The following RBM17 variants were observed in gnomAD, a reference collection of about 807,000 sequenced individuals.
RBM17 encodes the protein RNA binding motif protein 17, also known as splicing factor 45.
A neutral mutation model predicts 53.2 loss-of-function variants in RBM17; 7 were observed. The observed-to-expected ratio is 0.13, with a 90% CI of 0.07 to 0.25. The LOEUF (loss-of-function observed/expected upper bound fraction) is 0.25. Ranked by LOEUF, RBM17 falls within the 10% of genes least tolerant of loss-of-function variation. The pLI, the probability that RBM17 is intolerant of heterozygous loss-of-function variation, is 1.00. For missense variants in RBM17, 257 were observed against 496.7 expected (o/e 0.52, Z 4.59); for synonymous variants, 167 against 178.1 (o/e 0.94, Z 0.50).
At chr10:6,109,670 A>G (rs562269786) in intron 6 of RBM17, among the ~76,000 whole-genome samples, 54 of 152,378 alleles carry the variant, frequency 3.5e-4, no homozygotes, top group African/African-American at 1.2e-3. Flanking sequence ...TCCTTAGAAC[A>G]TACAGAACAT....
chr10:6,104,020 A>G lies in RBM17; in HGVS notation c.241-911A>G, dbSNP rs967266681. Among the ~76,000 whole-genome samples the G allele has an allele frequency of 4.6e-5, 7 of 152,242 alleles. No homozygotes were observed. In the South Asian group the frequency reaches 6.2e-4, roughly 13 times the overall value. On this transcript the variant is annotated intron_variant, in intron 3 of 11. Coordinates refer to ENST00000379888, the MANE Select transcript of RBM17 (RefSeq NM_032905.5). ...CTGTGCTTGTTTGAGGTGTCTTTCA[A>G]AACCAGAGAAGGCATCTTATTGTTA...
At position 6,098,534 on chromosome 10, in the gene RBM17, T is replaced by G. The variant is rs73605981; in HGVS notation, c.123+1346T>G. Among the ~76,000 whole-genome samples the G allele has an allele frequency of 3.7e-3, 562 of 150,332 alleles. 5 individuals carry two copies. The highest frequency in any genetic ancestry group is 0.012 in the African/African-American group (510 of 40,846). ...TAATATTAATCTCTAATTTCATGTT[T>G]GAAAATTTCCGTAATACACAGGTTT... On this transcript the variant is annotated intron_variant, in intron 2 of 11. Coordinates refer to ENST00000379888, the MANE Select transcript of RBM17 (RefSeq NM_032905.5).
intron 2 of RBM17, among the ~76,000 whole-genome samples, chr10:6,100,342 C>G (rs546289080): frequency 1.3e-5 from 2 of 152,216 alleles, no homozygotes; most frequent in South Asian, 4.1e-4. Context: ...GACGGCCTGA[C>G]GCAGTGTGCC....
chr10:6,113,381 A>C, intron 8 of RBM17, 127 bp from the exon 9 acceptor site: 1 of 651,466 alleles, frequency 1.5e-6, no homozygotes, highest in Non-Finnish European at 2.7e-6. Context: ...GTAGATGCCT[A>C]GGACATAAAT....
Position 6,115,588 on chromosome 10 carries a change from T to C in RBM17, c.*32T>C. 1 of 1,349,928 alleles carries C rather than the reference T, an allele frequency of 7.4e-7. No individual in the cohort carries two copies. The highest frequency in any genetic ancestry group is 1.1e-6 in the Non-Finnish European group (1 of 941,024). 83.6% of individuals were successfully genotyped at this position (1,349,928 alleles called of 1,614,324 possible). ...GAACTAGAGCACGAGTCATCTCCGGTGATCCTTAAATGAACTGCAGGCTGA... is the reference window on the plus strand; with the variant it reads ...GAACTAGAGCACGAGTCATCTCCGGCGATCCTTAAATGAACTGCAGGCTGA... On this transcript the variant is annotated 3_prime_UTR_variant, in exon 12 of 12. Transcript: ENST00000379888.
In RBM17 at chr10:6,112,231, C is replaced by T. The variant is rs536478330; in HGVS notation, c.726C>T (p.Ile242=). The change falls in exon 8 of 12, where the codon ATC becomes ATT. Residue 242 remains isoleucine (I), a synonymous_variant. Transcript: ENST00000379888. The surrounding 1 kb of genome is among the most constrained non-coding windows in gnomAD (Gnocchi z 4.4). ...ANMGGTVAHK[I]MQKYGFREGQ... ...CCAGGGGCACGGTGGCGCACAAGATCATGCAGAAGTACGGCTTCCGGGAGG... is the reference window on the plus strand; with the variant it reads ...CCAGGGGCACGGTGGCGCACAAGATTATGCAGAAGTACGGCTTCCGGGAGG... 3 of 1,613,022 alleles carry T rather than the reference C, an allele frequency of 1.9e-6. No homozygotes were observed. The highest frequency in any genetic ancestry group is 2.7e-5 in the African/African-American group (2 of 74,984).
Position 6,110,035 on chromosome 10 carries a change from T to C in RBM17, c.612T>C (p.Ser204=). Residue 204 remains serine (S), a synonymous_variant, in exon 7 of 12, where the codon TCT becomes TCC. Coordinates refer to ENST00000379888, the MANE Select transcript of RBM17 (RefSeq NM_032905.5). The part of the protein sequence containing the change: ...YEEDSRPRSQ[S]SKAAIPPPVY... ...AGGACTCAAGACCTCGATCACAGTCTTCCAAAGCAGCCATTCCTCCCCCAG... is the reference window on the plus strand; with the variant it reads ...AGGACTCAAGACCTCGATCACAGTCCTCCAAAGCAGCCATTCCTCCCCCAG... The C allele has an allele frequency of 6.2e-7, 1 of 1,613,490 alleles. No individual in the cohort carries two copies. The highest frequency in any genetic ancestry group is 8.5e-7 in the Non-Finnish European group (1 of 1,179,578).
At chr10:6,096,858 T>C (rs1414662580) in intron 1 of RBM17, 190 bp from the exon 2 acceptor site, 4 of 375,412 alleles carry the variant, frequency 1.1e-5, no homozygotes, top group Middle Eastern at 7.4e-4. Context: ...TAGAGGCTTA[T>C]TTTAAAAATA....
At chr10:6,104,850 C>G in intron 3 of RBM17, 81 bp from the exon 4 acceptor site, 1 of 1,192,712 alleles carries the variant, frequency 8.4e-7, no homozygotes, top group Non-Finnish European at 1.2e-6. Context: ...CCTTTTATCT[C>G]CCATACGCTT....
chr10:6,090,030 A>AAGT (rs1273010551), intron 1 of RBM17: 1 of 152,328 alleles, frequency 6.6e-6, no homozygotes, highest in African/African-American at 2.4e-5. Context: ...GTAAGTGCGA[A>AAGT]AGTAGCAGAA....
chr10:6,097,128 A>G lies in RBM17; in HGVS notation c.63A>G (p.Lys21=), dbSNP rs1170199525. 3 of 1,613,998 alleles carry G rather than the reference A, an allele frequency of 1.9e-6. No homozygotes were observed. The highest frequency in any genetic ancestry group is 2.7e-5 in the African/African-American group (2 of 74,926). The change falls in exon 2 of 12, where the codon AAA becomes AAG. Residue 21 remains lysine (K), a synonymous_variant. Coordinates refer to ENST00000379888, the MANE Select transcript of RBM17 (RefSeq NM_032905.5). ...TSDSKTEGWS[K]NFKLLQSQLQ... The stretch of plus-strand genomic sequence containing the variant: ...ACTCAAAAACAGAAGGCTGGTCCAA[A>G]AACTTCAAACTTCTGCAGTCTCAGC...
At chr10:6,106,391 A>T in intron 5 of RBM17, 153 bp downstream of exon 5, 2 of 581,500 alleles carry the variant, frequency 3.4e-6, no homozygotes. Context: ...TTTGCGTCAC[A>T]GTTTTAATTT....
chr10:6,108,170 C>T (rs1035545685), intron 5 of RBM17, among the ~76,000 whole-genome samples: 5 of 152,170 alleles, frequency 3.3e-5, no homozygotes, highest in Admixed American at 6.5e-5. Flanking sequence ...GGAAAAGGAG[C>T]GTGCTGTGTG....
chr10:6,109,344 T>C (rs1840803277), intron 6 of RBM17, among the ~76,000 whole-genome samples: 1 of 152,182 alleles, frequency 6.6e-6, no homozygotes, highest in Non-Finnish European at 1.5e-5. Flanking sequence ...TTTATAGTAC[T>C]TTTTAAAACT....
rs757842585 is a variant in RBM17, at chr10:6,097,105, T to G, written c.40T>G (p.Ser14Ala). 6.2e-7 allele frequency: 1 copy of G among 1,613,878 alleles called. No individual in the cohort carries two copies. Among genetic ancestry groups the G allele is most frequent in the East Asian group, 2.2e-5 (1 of 44,882 alleles). Residue 14 changes from serine (S) to alanine (A), a missense_variant, in exon 2 of 12, where the codon TCA becomes GCA. Physicochemically the swap from Ser to Ala is moderately conservative, Grantham distance 99 (BLOSUM62 1). Around this residue, in one of 6 missense-constraint regions of RBM17, gnomAD observed 127 missense variants for 217.2 expected, o/e 0.58. Transcript: ENST00000379888. ...TGACCTAGGAGTGGAGACCAGTGAC[T>G]CAAAAACAGAAGGCTGGTCCAAAAA... ...YDDLGVETSD[S>A]KTEGWSKNFK... is the part of the protein sequence containing the mutation.
chr10:6,115,156 A>G, intron 10 of RBM17, 83 bp from the exon 11 acceptor site: 1 of 1,027,994 alleles, frequency 9.7e-7, no homozygotes, highest in Non-Finnish European at 1.5e-6. Flanking sequence ...TAGAATATCC[A>G]CTCTGAGAAA....
At position 6,112,174 on chromosome 10, in the gene RBM17, C is replaced by T; in HGVS notation, c.705-36C>T. The T allele has an allele frequency of 6.3e-7, 1 of 1,599,736 alleles. No homozygotes were observed. Among genetic ancestry groups the T allele is most frequent in the South Asian group, 1.1e-5 (1 of 90,616 alleles). ...GCAACCTATCTCCAGTTGACGATGT[C>T]AAGGCTAAGAGTCCTTTCCCTTCTT... is the stretch of plus-strand genomic sequence containing the variant. On this transcript the variant is annotated intron_variant, in intron 7 of 11. Transcript: ENST00000379888. This position sits in a 1 kb window ranked among gnomAD's most constrained non-coding sequence, Gnocchi z 4.4.
rs1270484064 is a variant in RBM17 at position 6,117,037 on chromosome 10, C to T, written c.*1481C>T. On this transcript the variant is annotated 3_prime_UTR_variant, in exon 12 of 12. Transcript: ENST00000379888. The stretch of plus-strand genomic sequence containing the variant: ...CAAGTGGAAACCATGTTTGTGCTTA[C>T]AAGTACCGGAGTGTGCTTGTTTAAT... The T allele has an allele frequency of 2.2e-5, 2 of 90,246 alleles. No individual in the cohort carries two copies. Among genetic ancestry groups the T allele is most frequent in the African/African-American group, 7.2e-5 (2 of 27,612 alleles). 5.6% of individuals were successfully genotyped at this position (90,246 alleles called of 1,614,324 possible). A position where few individuals can be genotyped will look rare whatever the true frequency, so the allele number is the denominator to read the frequency against.
At chr10:6,102,620 A>G (rs988971676) in intron 3 of RBM17, among the ~76,000 whole-genome samples, 2 of 152,146 alleles carry the variant, frequency 1.3e-5, no homozygotes, top group African/African-American at 2.4e-5. Context: ...TCTAGTACCT[A>G]TAATATTAGT....
Sources: allele counts gnomAD v4.1 joint callset (sites outside exome capture counted in the v4.1 genomes callset), GRCh38; gene constraint gnomAD v4.1.1; regional missense constraint gnomAD v4.1.1; non-coding constraint Gnocchi (gnomAD v3.1); transcripts MANE v1.5; gene names NCBI Gene and HGNC (gene_info 2026-07-23, HGNC 2026-07-21).